The following NFE2L1 variants were observed in gnomAD, a reference collection of about 807,000 sequenced individuals.
The protein encoded by NFE2L1 is NFE2 like bZIP transcription factor 1, also known as endoplasmic reticulum membrane sensor NFE2L1.
In NFE2L1, 18 loss-of-function variants were observed where a neutral mutation model predicts 61.6. The ratio of observed to expected loss-of-function variants is 0.29; its 90% CI spans 0.20 to 0.43. The LOEUF (loss-of-function observed/expected upper bound fraction) is 0.43. Ranked by LOEUF, NFE2L1 falls within the 20% of genes least tolerant of loss-of-function variation. The pLI is 1.00. For synonymous variants in NFE2L1, 419 were observed against 402.7 expected, an observed-to-expected ratio of 1.04 and a Z score of -0.48; for missense variants, 827 against 973.5, an observed-to-expected ratio of 0.85 and a Z score of 2.00.
rs1002583656 is a variant in NFE2L1, at chr17:48,051,364, G to A, written c.246G>A (p.Arg82=). 1.9e-6 allele frequency: 3 copies of A among 1,614,064 alleles called. No individual in the cohort carries two copies. In the African/African-American group the frequency reaches 4.0e-5, roughly 22 times the overall value. Residue 82 remains arginine (R), a synonymous_variant, in exon 2 of 6, where the codon CGG becomes CGA. Coordinates refer to ENST00000362042, the MANE Select transcript of NFE2L1 (RefSeq NM_003204.3). ...IDLDNYFTAR[R]LLSQVRALDR... ...TGGACAATTACTTCACTGCCCGGCG[G>A]CTCCTCAGTCAGGTGAGGGCCCTGG...
At chr17:48,057,901 G>A (rs2037444259) in intron 5 of NFE2L1, among the ~76,000 whole-genome samples, 2 of 152,212 alleles carry the variant, frequency 1.3e-5, no homozygotes, top group Admixed American at 1.3e-4. Flanking sequence ...CAAAGGTGAG[G>A]AAATTGAAGC....
Position 48,059,012 on chromosome 17 carries a change from T to C in NFE2L1, c.1690T>C (p.Cys564Arg). 6.2e-7 allele frequency: 1 copy of C among 1,614,056 alleles called. No individual in the cohort carries two copies. The highest frequency in any genetic ancestry group is 8.5e-7 in the Non-Finnish European group (1 of 1,180,030). Residue 564 changes from cysteine to arginine, a missense_variant, in exon 6 of 6, where the codon TGC becomes CGC. Around this residue, in one of 3 missense-constraint regions of NFE2L1, gnomAD observed 667 missense variants for 748.4 expected, o/e 0.89. Transcript: ENST00000362042. This position sits in a 1 kb window ranked among gnomAD's most constrained non-coding sequence, Gnocchi z 6.1. ...MSYQDPAQLSCLPYLEHVGHN... is the reference protein window; with the variant it reads ...MSYQDPAQLSRLPYLEHVGHN... ...CTACCAGGATCCAGCTCAGCTCTCA[T>C]GCCTGCCCTACCTGGAGCACGTGGG...
In NFE2L1 at chr17:48,059,206, C is replaced by T. The variant is rs2144397663; in HGVS notation, c.1884C>T (p.Asp628=). The T allele has an allele frequency of 1.2e-6, 2 of 1,614,170 alleles. No homozygotes were observed. Among genetic ancestry groups the T allele is most frequent in the Non-Finnish European group, 1.7e-6 (2 of 1,180,032 alleles). ...CCATGAAGATCCCTTTCACCAATGA[C>T]AAAATCATCAACCTGCCTGTGGAGG... ...ARAMKIPFTN[D]KIINLPVEEF... Residue 628 remains aspartate (D), a synonymous_variant, in exon 6 of 6, where the codon GAC becomes GAT. Coordinates refer to ENST00000362042, the MANE Select transcript of NFE2L1 (RefSeq NM_003204.3). This position sits in a 1 kb window ranked among gnomAD's most constrained non-coding sequence, Gnocchi z 6.1.
Position 48,051,646 on chromosome 17 carries a change from G to A in NFE2L1, c.510+18G>A. On this transcript the variant is annotated intron_variant, in intron 2 of 5. Coordinates refer to ENST00000362042, the MANE Select transcript of NFE2L1 (RefSeq NM_003204.3). Reference sequence around the variant, plus strand: ...CCAAAGAGGTTAGTGGACCTGTGGTGGGTGTGTGGGGCCTGGGGCTTGGGG... The same window carrying A: ...CCAAAGAGGTTAGTGGACCTGTGGTAGGTGTGTGGGGCCTGGGGCTTGGGG... 6.3e-7 allele frequency: 1 copy of A among 1,596,338 alleles called. No homozygotes were observed. The highest frequency in any genetic ancestry group is 8.5e-7 in the Non-Finnish European group (1 of 1,170,872).
chr17:48,052,918 G>T (rs1225798991), intron 2 of NFE2L1, among the ~76,000 whole-genome samples: 1 of 152,154 alleles, frequency 6.6e-6, no homozygotes, highest in East Asian at 1.9e-4. Flanking sequence ...TACTGGACCT[G>T]CTTTGAGAGA....
chr17:48,053,731 T>G (rs2037315074), intron 2 of NFE2L1, among the ~76,000 whole-genome samples: 1 of 152,094 alleles, frequency 6.6e-6, no homozygotes, highest in African/African-American at 2.4e-5. Flanking sequence ...GAGAAACCAA[T>G]CCAGGGAGTC....
rs753662990 is a variant in NFE2L1, at chr17:48,051,205, T to C, written c.87T>C (p.Asp29=). 14 of 1,614,068 alleles carry C rather than the reference T, an allele frequency of 8.7e-6. No individual in the cohort carries two copies. In the Admixed American group the frequency reaches 2.3e-4, roughly 27 times the overall value. ...TGATTGGGGTACGGGTGGACGTGGA[T>C]ACTTACCTGACCTCACAGCTTCCCC... ...LSLIGVRVDV[D]TYLTSQLPPL... The change falls in exon 2 of 6, where the codon GAT becomes GAC. Residue 29 remains aspartate, a synonymous_variant. Transcript: ENST00000362042.
intron 2 of NFE2L1, chr17:48,054,494 C>T (rs2037338400): frequency 7.1e-6 from 6 of 844,320 alleles, no homozygotes; most frequent in Non-Finnish European, 9.3e-6. Flanking sequence ...TGGCTCTCGG[C>T]GCAGCCTAGG....
intron 2 of NFE2L1, 149 bp downstream of exon 2, chr17:48,051,777 C>T: frequency 1.0e-6 from 1 of 983,906 alleles, no homozygotes; most frequent in Non-Finnish European, 1.5e-6. Flanking sequence ...ATGGGCTGAA[C>T]TTTCTGACTT....
At chr17:48,055,067 G>C in intron 2 of NFE2L1, 1 of 1,499,302 alleles carries the variant, frequency 6.7e-7, no homozygotes, top group Non-Finnish European at 8.9e-7. Context: ...CCATGCCAAA[G>C]GCAGCCGGCC....
Position 48,055,149 on chromosome 17 carries a change from A to G in NFE2L1, c.511-1237A>G, listed in dbSNP as rs553010126. 3.3e-5 allele frequency: 45 copies of G among 1,377,976 alleles called. No individual in the cohort carries two copies. In the Admixed American group the frequency reaches 1.2e-3, roughly 35 times the overall value. The allele number at this position is 1,377,976 out of a possible 1,614,324, so 85.4% of individuals were successfully genotyped here. On this transcript the variant is annotated intron_variant, in intron 2 of 5. Coordinates refer to ENST00000362042, the MANE Select transcript of NFE2L1 (RefSeq NM_003204.3). ...GCTCCTGGGTCCAGGGCTTCTGTTC[A>G]GGTTGGTGTATGTGGGGAGACTAAA...
At chr17:48,056,859 C>T (rs1395347383) in intron 3 of NFE2L1, among the ~76,000 whole-genome samples, 173 bp from the exon 4 acceptor site, 2 of 145,044 alleles carry the variant, frequency 1.4e-5, no homozygotes, top group Admixed American at 1.3e-4. Context: ...TTCCTGCTTG[C>T]TTCAGGACTC....
chr17:48,056,882 C>T (rs200751398), intron 3 of NFE2L1, 150 bp from the exon 4 acceptor site: 1 of 769,840 alleles, frequency 1.3e-6, no homozygotes, highest in Non-Finnish European at 2.1e-6. Context: ...TCACTCTCTT[C>T]TGTTGTTTCT....
At chr17:48,054,536 G>T (rs1249816376) in intron 2 of NFE2L1, 7 of 1,183,226 alleles carry the variant, frequency 5.9e-6, no homozygotes, top group Non-Finnish European at 6.3e-6. Context: ...GGCTCTTTGC[G>T]CAGCCCAGCT....
intron 1 of NFE2L1, among the ~76,000 whole-genome samples, chr17:48,050,395 C>G (rs2037219410): frequency 6.6e-6 from 1 of 151,988 alleles, no homozygotes; most frequent in South Asian, 2.1e-4. Context: ...AGGAGAATCG[C>G]TTGAATGCAG....
At position 48,059,185 on chromosome 17, in the gene NFE2L1, G is replaced by T. The variant is rs1356618644; in HGVS notation, c.1863G>T (p.Met621Ile). The change falls in exon 6 of 6, where the codon ATG (methionine) becomes ATT (isoleucine). Residue 621 changes from methionine (M) to isoleucine (I), a missense_variant. By Grantham distance (10) the Met-to-Ile change is conservative. Around this residue, in one of 3 missense-constraint regions of NFE2L1, gnomAD observed 74 missense variants for 127.8 expected, o/e 0.58. Coordinates refer to ENST00000362042, the MANE Select transcript of NFE2L1 (RefSeq NM_003204.3). This position sits in a 1 kb window ranked among gnomAD's most constrained non-coding sequence, Gnocchi z 6.1. The stretch of plus-strand genomic sequence containing the variant: ...GGGATGAGCACCGAGCCCGAGCCAT[G>T]AAGATCCCTTTCACCAATGACAAAA... ...MSRDEHRARAMKIPFTNDKII... is the reference protein window; with the variant it reads ...MSRDEHRARAIKIPFTNDKII... 2 of 1,614,138 alleles carry T rather than the reference G, an allele frequency of 1.2e-6. No individual in the cohort carries two copies. Among genetic ancestry groups the T allele is most frequent in the South Asian group, 1.1e-5 (1 of 91,076 alleles).
rs770187834 is a variant in NFE2L1, at chr17:48,051,081, TA to T, written c.-33del. 6.8e-6 allele frequency: 11 copies of T among 1,613,556 alleles called. No homozygotes were observed. The highest frequency in any genetic ancestry group is 9.3e-6 in the Non-Finnish European group (11 of 1,179,838). On this transcript the variant is annotated 5_prime_UTR_variant, in exon 2 of 6. Transcript: ENST00000362042. The stretch of plus-strand genomic sequence containing the variant: ...CCTTGATTTGTCTTTTGGAAGATTT[TA>T]AAAACCAAAAAGCATAAACATTCTG...
intron 2 of NFE2L1, among the ~76,000 whole-genome samples, chr17:48,051,929 G>A (rs1226921166): frequency 6.6e-6 from 1 of 152,118 alleles, no homozygotes; most frequent in Non-Finnish European, 1.5e-5. Context: ...GCCTGGGGTG[G>A]GGGAGGAGTC....
At chr17:48,056,258 G>T in intron 2 of NFE2L1, 128 bp from the exon 3 acceptor site, 1 of 892,140 alleles carries the variant, frequency 1.1e-6, no homozygotes, top group Non-Finnish European at 1.8e-6. Context: ...GTAAAGGCTG[G>T]CAGGTGAAGA....
Sources: allele counts gnomAD v4.1 joint callset (sites outside exome capture counted in the v4.1 genomes callset), GRCh38; gene constraint gnomAD v4.1.1; regional missense constraint gnomAD v4.1.1; non-coding constraint Gnocchi (gnomAD v3.1); transcripts MANE v1.5; gene names NCBI Gene and HGNC (gene_info 2026-07-23, HGNC 2026-07-21).